Variants in DDX4 observed in about 807,000 individuals in gnomAD.
The protein encoded by DDX4 is probable ATP-dependent RNA helicase DDX4.
A neutral mutation model predicts 100.0 loss-of-function variants in DDX4; 25 were observed. The ratio of observed to expected loss-of-function variants is 0.25; its 90% CI spans 0.18 to 0.35. The LOEUF is 0.35. Among genes scored for constraint, DDX4 ranks in the 10% least tolerant of loss-of-function variants. DDX4 has a pLI of 1.00. For synonymous variants in DDX4, 259 were observed against 275.7 expected (o/e 0.94, Z 0.60); for missense variants, 635 against 882.4 (o/e 0.72, Z 3.55).
chr5:55,773,489 G>A (rs566784728), intron 7 of DDX4, among the ~76,000 whole-genome samples: 26 of 152,140 alleles, frequency 1.7e-4, no homozygotes, highest in African/African-American at 6.0e-4. Flanking sequence ...TTCTATAGTA[G>A]CTGTACCATT....
chr5:55,789,169 A>G (rs536213747), intron 15 of DDX4, among the ~76,000 whole-genome samples: 1 of 152,334 alleles, frequency 6.6e-6, no homozygotes, highest in Non-Finnish European at 1.5e-5. Context: ...TAATTAATGT[A>G]TATTTGTGCC....
intron 7 of DDX4, 44 bp from the exon 8 acceptor site, chr5:55,779,920 T>C: frequency 6.3e-7 from 1 of 1,584,792 alleles, no homozygotes; most frequent in Non-Finnish European, 8.6e-7. Flanking sequence ...AAGATTTCTT[T>C]GTTGTTGTTT....
chr5:55,746,095 A>G (rs2111601200), intron 2 of DDX4, 69 bp from the exon 3 acceptor site: 3 of 1,209,630 alleles, frequency 2.5e-6, no homozygotes, highest in African/African-American at 1.5e-5. Context: ...ATTTTCTAGT[A>G]TTTGTGAAAT....
At chr5:55,740,866 A>G (rs188276545) in intron 2 of DDX4, among the ~76,000 whole-genome samples, 26 of 152,226 alleles carry the variant, frequency 1.7e-4, no homozygotes, top group Non-Finnish European at 2.5e-4. Context: ...CTTCAGCACT[A>G]ACTATTCCAT....
intron 3 of DDX4, among the ~76,000 whole-genome samples, chr5:55,758,554 T>C (rs936349638): frequency 3.3e-5 from 5 of 152,126 alleles, no homozygotes; most frequent in African/African-American, 4.8e-5. Context: ...TAAGTACTGA[T>C]TTAACTTCTG....
At chr5:55,813,512 C>G (rs1744232825) in intron 18 of DDX4, among the ~76,000 whole-genome samples, 161 bp from the exon 19 acceptor site, 1 of 152,156 alleles carries the variant, frequency 6.6e-6, no homozygotes. Context: ...GACATCCATT[C>G]TGGAATTAGA....
intron 6 of DDX4, among the ~76,000 whole-genome samples, chr5:55,765,405 A>ATATATATATATAT (rs1554076953): frequency 1.0e-5 from 1 of 100,346 alleles, no homozygotes; most frequent in South Asian, 2.9e-4. Flanking sequence ...TAAAAAAAAA[A>ATATATATATATAT]AAAAAAAAAT....
chr5:55,795,741 C>T (rs1742893280), intron 17 of DDX4, among the ~76,000 whole-genome samples: 1 of 152,148 alleles, frequency 6.6e-6, no homozygotes. Context: ...TGCCCCTGTA[C>T]TCTGGCCTGG....
chr5:55,762,337 A>C (rs1381382536), intron 4 of DDX4, among the ~76,000 whole-genome samples: 1 of 152,002 alleles, frequency 6.6e-6, no homozygotes, highest in Non-Finnish European at 1.5e-5. Context: ...CGAGATTTTT[A>C]ATTTAGTGGT....
chr5:55,806,834 G>A (rs1185164443), intron 18 of DDX4, among the ~76,000 whole-genome samples: 11 of 152,156 alleles, frequency 7.2e-5, no homozygotes, highest in Non-Finnish European at 1.5e-4. Flanking sequence ...ATAGATGTCT[G>A]TTAGGTCCAC....
intron 2 of DDX4, among the ~76,000 whole-genome samples, chr5:55,743,365 T>C (rs1010439533): frequency 5.3e-5 from 8 of 152,204 alleles, no homozygotes; most frequent in African/African-American, 1.9e-4. Flanking sequence ...CTCATGCCGA[T>C]AATCCAGGGT....
intron 3 of DDX4, among the ~76,000 whole-genome samples, chr5:55,758,928 T>G (rs1281354804): frequency 3.5e-5 from 5 of 143,288 alleles, no homozygotes; most frequent in African/African-American, 1.3e-4. Flanking sequence ...TCTTTCTGTT[T>G]CCCAGGCTGG....
chr5:55,770,220 C>A (rs538585389), intron 7 of DDX4, among the ~76,000 whole-genome samples: 1 of 152,028 alleles, frequency 6.6e-6, no homozygotes, highest in Non-Finnish European at 1.5e-5. Context: ...TTTTTCCCCC[C>A]TATGATCTCC....
chr5:55,813,763 G>A lies in DDX4; in HGVS notation c.1706G>A (p.Ser569Asn). The A allele has an allele frequency of 6.3e-7, 1 of 1,585,788 alleles. No individual in the cohort carries two copies. Among genetic ancestry groups the A allele is most frequent in the Non-Finnish European group, 8.5e-7 (1 of 1,169,770 alleles). ...TGTCAAGAAAAAATATCAACTACAAGTATTCATGGGTGAGTAGATGAATAT... is the reference window on the plus strand; with the variant it reads ...TGTCAAGAAAAAATATCAACTACAAATATTCATGGGTGAGTAGATGAATAT... ...FLCQEKISTT[S>N]IHGDREQRER... The change falls in exon 19 of 22, where the codon AGT becomes AAT. Residue 569 changes from serine to asparagine, a missense_variant. Physicochemically the swap from Ser to Asn is conservative, Grantham distance 46 (BLOSUM62 1). This residue lies in a region of DDX4 where 115 missense variants were observed against 224.7 expected (regional missense o/e 0.51). Coordinates refer to ENST00000505374, the MANE Select transcript of DDX4 (RefSeq NM_024415.3).
At chr5:55,782,595 C>T (rs1186226280) in intron 10 of DDX4, among the ~76,000 whole-genome samples, 1 of 150,964 alleles carries the variant, frequency 6.6e-6, no homozygotes, top group South Asian at 2.1e-4. Context: ...AGACTGTCAC[C>T]AGTTTTTTGT....
intron 7 of DDX4, among the ~76,000 whole-genome samples, chr5:55,768,345 A>G (rs918245865): frequency 5.9e-5 from 9 of 152,120 alleles, no homozygotes; most frequent in African/African-American, 2.2e-4. Flanking sequence ...ATGTGTTCTC[A>G]GTGTTTAGCT....
At chr5:55,791,504 A>G (rs1202836532) in intron 16 of DDX4, among the ~76,000 whole-genome samples, 2 of 152,202 alleles carry the variant, frequency 1.3e-5, no homozygotes, top group Non-Finnish European at 2.9e-5. Flanking sequence ...ATGTTCATGC[A>G]AAGGTAAGAG....
intron 18 of DDX4, among the ~76,000 whole-genome samples, chr5:55,810,524 T>G (rs1010055802): frequency 6.6e-6 from 1 of 152,226 alleles, no homozygotes; most frequent in Non-Finnish European, 1.5e-5. Flanking sequence ...ATCATGTCAG[T>G]ACTCAAAGAG....
rs112518640 is a variant in DDX4, at chr5:55,767,772, T to A, written c.335-109T>A. 6 of 711,772 alleles carry A rather than the reference T, an allele frequency of 8.4e-6. No homozygotes were observed. The African/African-American group carries it at 1.1e-4, about 13-fold the overall frequency. 44.1% of individuals were successfully genotyped at this position (711,772 alleles called of 1,614,324 possible). ...AGAAATATGTTTATATTTTAACTTA[T>A]GAAAATATTTTGTCTTCTTACTAAT... On this transcript the variant is annotated intron_variant, in intron 6 of 21. Transcript: ENST00000505374.
Sources: allele counts gnomAD v4.1 joint callset (sites outside exome capture counted in the v4.1 genomes callset), GRCh38; gene constraint gnomAD v4.1.1; regional missense constraint gnomAD v4.1.1; transcripts MANE v1.5; gene names NCBI Gene and HGNC (gene_info 2026-07-23, HGNC 2026-07-21).